The following TMEM161B variants were observed in gnomAD, a reference collection of about 807,000 sequenced individuals.
TMEM161B encodes the protein transmembrane protein 161B.
In TMEM161B, 34 loss-of-function variants were observed where a neutral mutation model predicts 61.8. The observed-to-expected ratio is 0.55, with a 90% CI of 0.42 to 0.73. TMEM161B has a LOEUF of 0.73. Among genes scored for constraint, TMEM161B ranks in the 30% least tolerant of loss-of-function variants. The pLI is 0.00. For synonymous variants in TMEM161B, 167 were observed against 192.8 expected (o/e 0.87, Z 1.11); for missense variants, 456 against 558.5 (o/e 0.82, Z 1.85).
At chr5:88,206,134 A>T (rs1561318316) in intron 7 of TMEM161B, among the ~76,000 whole-genome samples, 180 bp from the exon 8 acceptor site, 3 of 152,166 alleles carry the variant, frequency 2.0e-5, no homozygotes, top group Admixed American at 2.0e-4. Flanking sequence ...AAACTAAATG[A>T]GGCATCTCTT....
chr5:88,241,690 T>A (rs2112660846), intron 1 of TMEM161B, among the ~76,000 whole-genome samples: 1 of 151,950 alleles, frequency 6.6e-6, no homozygotes, highest in East Asian at 1.9e-4. Flanking sequence ...GAATGGGTCT[T>A]AATGTCCAAC....
intron 4 of TMEM161B, chr5:88,221,839 G>A: frequency 4.6e-6 from 2 of 431,372 alleles, no homozygotes; most frequent in South Asian, 3.3e-5. Context: ...GATCTGCATT[G>A]CTTTGGACAA....
intron 1 of TMEM161B, among the ~76,000 whole-genome samples, chr5:88,264,060 A>G (rs1218549850): frequency 2.0e-5 from 3 of 152,142 alleles, no homozygotes; most frequent in Non-Finnish European, 4.4e-5. Context: ...CAGTATCTCC[A>G]TCAAAGTCTC....
chr5:88,238,358 T>C (rs1331555661), intron 2 of TMEM161B, among the ~76,000 whole-genome samples: 1 of 151,960 alleles, frequency 6.6e-6, no homozygotes, highest in Admixed American at 6.6e-5. Context: ...AAAAAGAACA[T>C]TTATTTACAA....
rs781212159 is a variant in TMEM161B, at chr5:88,205,939, T to C, written c.675A>G (p.Lys225=). 1.9e-6 allele frequency: 3 copies of C among 1,607,760 alleles called. No individual in the cohort carries two copies. In the South Asian group the frequency reaches 3.4e-5, roughly 18 times the overall value. Reference sequence around the variant, plus strand: ...TAGCCAGGAAAAATTTGAAAGTAAGTTTTGAAACAGGACTCCTAAAAATAA... The same window carrying C: ...TAGCCAGGAAAAATTTGAAAGTAAGCTTTGAAACAGGACTCCTAAAAATAA... ...QGLESQSPVS[K]LTFKFFLAIF... is the part of the protein sequence containing the mutation. The change falls in exon 8 of 12, where the codon AAA becomes AAG. Residue 225 remains lysine, a synonymous_variant. Transcript: ENST00000296595.
chr5:88,202,053 T>C, intron 9 of TMEM161B: 1 of 437,492 alleles, frequency 2.3e-6, no homozygotes, highest in Middle Eastern at 4.8e-4. Flanking sequence ...TTCCAGCTGG[T>C]TGCATTACAT....
intron 2 of TMEM161B, among the ~76,000 whole-genome samples, chr5:88,234,736 C>A (rs1338378745): frequency 6.6e-6 from 1 of 152,080 alleles, no homozygotes; most frequent in Admixed American, 6.6e-5. Context: ...AAATATATTT[C>A]TTAGAAAATT....
chr5:88,229,505 T>A (rs1265930855), intron 2 of TMEM161B, among the ~76,000 whole-genome samples: 1 of 145,270 alleles, frequency 6.9e-6, no homozygotes, highest in East Asian at 2.0e-4. Context: ...TTTTTTTTTA[T>A]CTTACAGAAA....
At chr5:88,230,972 G>C (rs1468967478) in intron 2 of TMEM161B, among the ~76,000 whole-genome samples, 5 of 152,030 alleles carry the variant, frequency 3.3e-5, no homozygotes, top group Non-Finnish European at 7.4e-5. Context: ...AATTAAGTTG[G>C]ATCATTGAAA....
chr5:88,235,306 C>T (rs931835252), intron 2 of TMEM161B, among the ~76,000 whole-genome samples: 12 of 152,170 alleles, frequency 7.9e-5, no homozygotes, highest in Non-Finnish European at 1.5e-4. Context: ...TTTAATAGCA[C>T]AAGCTAAATA....
At chr5:88,243,830 T>C (rs759237441) in intron 1 of TMEM161B, among the ~76,000 whole-genome samples, 99 of 152,108 alleles carry the variant, frequency 6.5e-4, no homozygotes, top group Non-Finnish European at 1.2e-3. Context: ...TTGATTTACA[T>C]TTCTCTAATG....
At chr5:88,196,606 T>A (rs757297361) in intron 11 of TMEM161B, 118 bp from the exon 12 acceptor site, 2 of 1,040,228 alleles carry the variant, frequency 1.9e-6, no homozygotes, top group East Asian at 5.5e-5. Flanking sequence ...AGTACATCAT[T>A]TTATGTTAAA....
At chr5:88,217,595 A>T (rs961376084) in intron 5 of TMEM161B, among the ~76,000 whole-genome samples, 4 of 151,928 alleles carry the variant, frequency 2.6e-5, no homozygotes, top group African/African-American at 9.7e-5. Context: ...GTGGGGGGTA[A>T]TAATAGGAGG....
chr5:88,260,466 A>G (rs557752907), intron 1 of TMEM161B, among the ~76,000 whole-genome samples: 2 of 152,110 alleles, frequency 1.3e-5, no homozygotes, highest in Admixed American at 6.6e-5. Flanking sequence ...TTTGTGTTTT[A>G]TAAGAGTCAG....
chr5:88,190,264 G>A (rs1290944271), downstream of TMEM161B: 1 of 700,718 alleles, frequency 1.4e-6, no homozygotes, highest in Admixed American at 2.0e-5. Flanking sequence ...GCATTATGCT[G>A]TCGGCAGGTA....
At chr5:88,214,916 A>G (rs1175410739) in intron 5 of TMEM161B, among the ~76,000 whole-genome samples, 1 of 152,216 alleles carries the variant, frequency 6.6e-6, no homozygotes, top group East Asian at 1.9e-4. Flanking sequence ...GAGAAGACTC[A>G]GTTCTAGGTT....
chr5:88,267,440 T>C (rs1756539680), intron 1 of TMEM161B, among the ~76,000 whole-genome samples: 1 of 152,190 alleles, frequency 6.6e-6, no homozygotes, highest in Non-Finnish European at 1.5e-5. Flanking sequence ...CAGCTAAGTT[T>C]CTAAAAGTCA....
In TMEM161B at chr5:88,229,318, A is replaced by G. The variant is rs143731447; in HGVS notation, c.108-790T>C. On this transcript the variant is annotated intron_variant, in intron 2 of 11. Coordinates refer to ENST00000296595, the MANE Select transcript of TMEM161B (RefSeq NM_153354.5). ...ATGCTATTATTAATTCTGTTTCTCA[A>G]CTCTTAAAATTCTAAACTCTGCCCT... 8.7e-4 allele frequency among the ~76,000 whole-genome samples: 132 copies of G among 151,996 alleles called. 1 individual carries two copies. In the Middle Eastern group the frequency reaches 0.014, roughly 16 times the overall value.
At chr5:88,244,443 C>G (rs1753269867) in intron 1 of TMEM161B, among the ~76,000 whole-genome samples, 1 of 151,632 alleles carries the variant, frequency 6.6e-6, no homozygotes, top group Non-Finnish European at 1.5e-5. Flanking sequence ...CACATGGTTG[C>G]AGGTGTGTGG....
Sources: allele counts gnomAD v4.1 joint callset (sites outside exome capture counted in the v4.1 genomes callset), GRCh38; gene constraint gnomAD v4.1.1; transcripts MANE v1.5; gene names NCBI Gene and HGNC (gene_info 2026-07-23, HGNC 2026-07-21).